FOXJ3: variants seen among roughly 807,000 people sequenced by gnomAD.
FOXJ3 encodes the protein forkhead box protein J3.
FOXJ3 carries 22 observed loss-of-function variants against 76.1 expected under a neutral mutation model. The ratio of observed to expected loss-of-function variants is 0.29; its 90% CI spans 0.21 to 0.41. The LOEUF (loss-of-function observed/expected upper bound fraction) is 0.41, where lower values mean the gene tolerates loss of function less well. FOXJ3 is among the 10% of genes least tolerant of loss of function. The pLI is 1.00. For missense variants in FOXJ3, 613 were observed against 762.1 expected, an observed-to-expected ratio of 0.80 and a Z score of 2.30; for synonymous variants, 269 against 261.2, an observed-to-expected ratio of 1.03 and a Z score of -0.29.
At chr1:42,199,047 T>TGAATTGAATTGCATTTCAATTC in intron 7 of FOXJ3, 55 bp downstream of exon 7, 2 of 1,388,514 alleles carry the variant, frequency 1.4e-6, no homozygotes, top group Non-Finnish European at 2.0e-6. Context: ...ATGTTTGGTT[T>TGAATTGAATTGCATTTCAATTC]AGTTTTAAGT....
intron 1 of FOXJ3, among the ~76,000 whole-genome samples, chr1:42,317,045 T>A (rs1213815822): frequency 6.6e-6 from 1 of 152,166 alleles, no homozygotes; most frequent in African/African-American, 2.4e-5. Flanking sequence ...AAAATTCATT[T>A]TTTATTTATT....
In FOXJ3 at chr1:42,287,339, T is replaced by TA. The variant is rs974446801; in HGVS notation, c.45-8668dup. Among the ~76,000 whole-genome samples the TA allele has an allele frequency of 4.0e-5, 6 of 150,142 alleles. No homozygotes were observed. In the East Asian group the frequency reaches 5.9e-4, roughly 15 times the overall value. On this transcript the variant is annotated intron_variant, in intron 2 of 12. Transcript: ENST00000361346. ...TGGGTGACAGAGTGAGACTCCATCT[T>TA]AAAAAAAAATAAAAGTTTTAACAAG...
intron 5 of FOXJ3, among the ~76,000 whole-genome samples, chr1:42,220,305 C>G (rs1294750797): frequency 6.6e-6 from 1 of 152,086 alleles, no homozygotes; most frequent in Non-Finnish European, 1.5e-5. Flanking sequence ...TTAAGAGGAA[C>G]AGTTGTGCAC....
chr1:42,308,118 C>T (rs1217171099), intron 2 of FOXJ3, among the ~76,000 whole-genome samples: 4 of 152,222 alleles, frequency 2.6e-5, no homozygotes, highest in South Asian at 2.1e-4. Flanking sequence ...CAAACTCCCA[C>T]CTGCCTATCC....
At chr1:42,248,730 CTTTTTTTTTTTTTTTTT>C (rs4019587) in intron 4 of FOXJ3, among the ~76,000 whole-genome samples, 2 of 92,192 alleles carry the variant, frequency 2.2e-5, no homozygotes, top group Non-Finnish European at 4.1e-5. Flanking sequence ...CCTGTTTTTT[CTTTTTTTTTTTTTTTTT>C]TTTTTTTTTA....
chr1:42,310,857 T>C (rs1390690457), intron 2 of FOXJ3, among the ~76,000 whole-genome samples, 193 bp downstream of exon 2: 2 of 152,090 alleles, frequency 1.3e-5, no homozygotes. Context: ...TAAAAGCATA[T>C]CCAAATCCCA....
rs572494730 is a variant in FOXJ3 at position 42,213,164 on chromosome 1, C to T, written c.529-7301G>A. On this transcript the variant is annotated intron_variant, in intron 5 of 12. Coordinates refer to ENST00000361346, the MANE Select transcript of FOXJ3 (RefSeq NM_014947.5). ...TCACAGGGCTTGTGAAACAATAACACAAGGAAGAAAACAAAGTCACTATGT... is the reference window on the plus strand; with the variant it reads ...TCACAGGGCTTGTGAAACAATAACATAAGGAAGAAAACAAAGTCACTATGT... Among the ~76,000 whole-genome samples, 6 of 151,956 alleles carry T rather than the reference C, an allele frequency of 3.9e-5. No individual in the cohort carries two copies. In the South Asian group the frequency reaches 8.3e-4, roughly 21 times the overall value.
At chr1:42,189,171 T>G (rs1232244551) in intron 10 of FOXJ3, 132 bp downstream of exon 10, 2 of 707,312 alleles carry the variant, frequency 2.8e-6, no homozygotes, top group Non-Finnish European at 4.6e-6. Context: ...CCAAAATTAT[T>G]ATGAATTTTA....
At position 42,176,709 on chromosome 1, in the gene FOXJ3, A is replaced by T. The variant is rs1215201302; in HGVS notation, c.*3001T>A. ...CAAAATATGAAATCGTGCAATAGCA[A>T]AACTGTAGAAACATTAAAACACTGA... On this transcript the variant is annotated 3_prime_UTR_variant, in exon 13 of 13. Transcript: ENST00000361346. The T allele has an allele frequency of 6.6e-6, 1 of 152,668 alleles. No individual in the cohort carries two copies. Among genetic ancestry groups the T allele is most frequent in the Non-Finnish European group, 1.5e-5 (1 of 68,050 alleles). The allele number at this position is 152,668 out of a possible 1,614,324, so 9.5% of individuals were successfully genotyped here.
intron 5 of FOXJ3, among the ~76,000 whole-genome samples, chr1:42,222,104 A>AGAAGAAGAG (rs1557649845): frequency 2.0e-5 from 3 of 148,474 alleles, no homozygotes; most frequent in Non-Finnish European, 4.5e-5. Context: ...AAGAAGAAGA[A>AGAAGAAGAG]GAAGAAATAA....
At chr1:42,312,781 G>C (rs1032321757) in intron 1 of FOXJ3, among the ~76,000 whole-genome samples, 4 of 152,222 alleles carry the variant, frequency 2.6e-5, no homozygotes, top group Non-Finnish European at 5.9e-5. Context: ...TGTACAAGAT[G>C]CAACAACGTT....
At chr1:42,291,079 T>TAGATAGATAGACAGACAGACAGACAGAC (rs1553167254) in intron 2 of FOXJ3, among the ~76,000 whole-genome samples, 3 of 125,564 alleles carry the variant, frequency 2.4e-5, no homozygotes, top group African/African-American at 8.9e-5. Flanking sequence ...GATAGATAGA[T>TAGATAGATAGACAGACAGACAGACAGAC]AGATAGACAG....
In FOXJ3 at chr1:42,199,013, C is replaced by T. The variant is rs1020686236; in HGVS notation, c.759+89G>A. 7.5e-6 allele frequency: 8 copies of T among 1,062,266 alleles called. No individual in the cohort carries two copies. In the African/African-American group the frequency reaches 1.1e-4, roughly 15 times the overall value. 65.8% of individuals were successfully genotyped at this position (1,062,266 alleles called of 1,614,324 possible). ...TTTATTAGTGAGAAAAACATACCTT[C>T]ATTTTTAAATTTGCATTTCAATTAT... is the stretch of plus-strand genomic sequence containing the variant. On this transcript the variant is annotated intron_variant, in intron 7 of 12. Transcript: ENST00000361346.
rs780956716 is a variant in FOXJ3, at chr1:42,191,453, C to T, written c.1201G>A (p.Ala401Thr). ...PQHPQRSPHP[A>T]PHPQQHSQLQ... ...TGGCTGTGTTGCTGTGGGTGTGGTG[C>T]TGGGTGTGGGGAACGCTGCGGATGC... is the stretch of plus-strand genomic sequence containing the variant. Residue 401 changes from alanine to threonine, a missense_variant, in exon 9 of 13, where the codon GCA (alanine) becomes ACA (threonine). Ala to Thr is a moderately conservative substitution (Grantham distance 58). Transcript: ENST00000361346. 1 of 1,613,108 alleles carries T rather than the reference C, an allele frequency of 6.2e-7. No individual in the cohort carries two copies. The highest frequency in any genetic ancestry group is 1.3e-5 in the African/African-American group (1 of 74,810).
At chr1:42,321,885 A>C (rs911497122) in intron 1 of FOXJ3, among the ~76,000 whole-genome samples, 1 of 152,160 alleles carries the variant, frequency 6.6e-6, no homozygotes, top group Admixed American at 6.6e-5. Context: ...CAGGGAAAAA[A>C]AATGGGAGAC....
At chr1:42,180,082 A>C (rs1009990611) in intron 12 of FOXJ3, among the ~76,000 whole-genome samples, 1 of 152,002 alleles carries the variant, frequency 6.6e-6, no homozygotes, top group Non-Finnish European at 1.5e-5. Context: ...CTTGATCCAC[A>C]CTCCTTCCAT....
At chr1:42,316,745 T>C (rs895877318) in intron 1 of FOXJ3, among the ~76,000 whole-genome samples, 1 of 152,148 alleles carries the variant, frequency 6.6e-6, no homozygotes, top group South Asian at 2.1e-4. Flanking sequence ...AGGTAAGAAT[T>C]AAAAATTTGT....
In FOXJ3 at chr1:42,321,022, T is replaced by C. The variant is rs187240841; in HGVS notation, c.-17-9912A>G. Among the ~76,000 whole-genome samples, 120 of 152,268 alleles carry C rather than the reference T, an allele frequency of 7.9e-4. 1 individual carries two copies. Among genetic ancestry groups the C allele is most frequent in the Non-Finnish European group, 1.3e-3 (87 of 68,010 alleles). ...CTGTGAGAGGAATAAAATGCTGTAC[T>C]GAAACTGAAAAGATAGGAAGCTATA... On this transcript the variant is annotated intron_variant, in intron 1 of 12. Coordinates refer to ENST00000361346, the MANE Select transcript of FOXJ3 (RefSeq NM_014947.5).
intron 4 of FOXJ3, among the ~76,000 whole-genome samples, chr1:42,256,892 A>C (rs1338416092): frequency 6.6e-6 from 1 of 152,258 alleles, no homozygotes; most frequent in African/African-American, 2.4e-5. Context: ...AACAATAAGA[A>C]ACAAACAAGT....
Sources: allele counts gnomAD v4.1 joint callset (sites outside exome capture counted in the v4.1 genomes callset), GRCh38; gene constraint gnomAD v4.1.1; transcripts MANE v1.5; gene names NCBI Gene and HGNC (gene_info 2026-07-23, HGNC 2026-07-21).